UPRT: variants seen among roughly 807,000 people sequenced by gnomAD.
UPRT encodes the protein RP11-311P8.3.
A neutral mutation model predicts 22.6 loss-of-function variants in UPRT; 5 were observed. That is an observed-to-expected ratio of 0.22 (90% CI 0.12 to 0.47). The LOEUF is 0.47. Among genes scored for constraint, UPRT ranks in the 20% least tolerant of loss-of-function variants. The probability of loss-of-function intolerance (pLI) is 0.99; values close to 1 mark genes in which losing one functional copy is unlikely to be tolerated. For synonymous variants in UPRT, 77 were observed against 87.7 expected (o/e 0.88, Z 0.68); for missense variants, 181 against 239.9 (o/e 0.75, Z 1.62).
At chrX:75,161,375 AGTT>A (rs753136841) in intron 2 of UPRT, among the ~76,000 whole-genome samples, 1 of 112,858 alleles carries the variant, frequency 8.9e-6, no homozygotes, top group South Asian at 3.6e-4. Flanking sequence ...TTTTAATAAT[AGTT>A]GTTTGTATAA....
In UPRT at chrX:75,274,211, T is replaced by A; in HGVS notation, c.-44T>A. On this transcript the variant is annotated 5_prime_UTR_variant, in exon 1 of 7. Coordinates refer to ENST00000373383, the MANE Select transcript of UPRT (RefSeq NM_145052.4). ...TGTCCTTTCTACCCGTTCCTCTTTA[T>A]CTTTAGTGTTCAGTAGCAGCGGGGA... 5 of 1,161,366 alleles carry A rather than the reference T, an allele frequency of 4.3e-6. No homozygotes were observed. Among genetic ancestry groups the A allele is most frequent in the Non-Finnish European group, 5.8e-6 (5 of 869,497 alleles).
chrX:75,245,954 A>G (rs2082504291), intron 4 of UPRT, among the ~76,000 whole-genome samples: 1 of 111,984 alleles, frequency 8.9e-6, no homozygotes, highest in African/African-American at 3.2e-5. Flanking sequence ...ATAGTTAAAA[A>G]CAAATAAATA....
chrX:75,274,832 G>A lies in UPRT; in HGVS notation c.386+192G>A, dbSNP rs918459824. 4.1e-5 allele frequency: 18 copies of A among 435,879 alleles called. No individual in the cohort carries two copies. The South Asian group carries it at 1.0e-3, about 24-fold the overall frequency. The allele number at this position is 435,879 out of a possible 1,213,427, so 35.9% of individuals were successfully genotyped here. The stretch of plus-strand genomic sequence containing the variant: ...TGTGTGTGTGTCGTGTAACTCGAAC[G>A]CCAACCTTCTCTTTCCAAGTTCCGG... On this transcript the variant is annotated intron_variant, in intron 1 of 6. Coordinates refer to ENST00000373383, the MANE Select transcript of UPRT (RefSeq NM_145052.4).
chrX:75,233,161 C>T (rs1040851967), intron 4 of UPRT, among the ~76,000 whole-genome samples: 9 of 110,754 alleles, frequency 8.1e-5, no homozygotes, highest in African/African-American at 1.3e-4. Flanking sequence ...GGAGCCGATG[C>T]GATCAACTGG....
At chrX:75,288,848 C>T (rs2082693376) in intron 1 of UPRT, among the ~76,000 whole-genome samples, 2 of 111,311 alleles carry the variant, frequency 1.8e-5, no homozygotes, top group African/African-American at 6.5e-5. Flanking sequence ...AGCTATCAGG[C>T]AAGAGAAATA....
At chrX:75,271,088 T>C (rs1013025439), upstream of UPRT, among the ~76,000 whole-genome samples, 1 of 110,542 alleles carries the variant, frequency 9.0e-6, no homozygotes, top group Non-Finnish European at 1.9e-5. Context: ...AGGATCATAA[T>C]GCCAAAAGCA....
At chrX:75,187,421 G>A (rs2082297057) in intron 4 of UPRT, among the ~76,000 whole-genome samples, 1 of 111,215 alleles carries the variant, frequency 9.0e-6, no homozygotes, top group South Asian at 3.8e-4. Flanking sequence ...TCCCTTTGAG[G>A]GTAACCCGAC....
At chrX:75,276,254 A>G (rs1041835860) in intron 1 of UPRT, among the ~76,000 whole-genome samples, 4 of 111,314 alleles carry the variant, frequency 3.6e-5, no homozygotes, top group African/African-American at 9.8e-5. Context: ...TTTTTCGTAT[A>G]TTGTTATTTT....
At chrX:75,195,883 A>G (rs2082331275) in intron 4 of UPRT, among the ~76,000 whole-genome samples, 1 of 112,108 alleles carries the variant, frequency 8.9e-6, no homozygotes, top group Non-Finnish European at 1.9e-5. Context: ...GGCTATCTCT[A>G]TCAAGTTTTA....
At chrX:75,175,153 C>T (rs973693486) in intron 4 of UPRT, among the ~76,000 whole-genome samples, 3 of 111,091 alleles carry the variant, frequency 2.7e-5, no homozygotes, top group African/African-American at 6.6e-5. Flanking sequence ...TTTTGCATTG[C>T]GTGACTGTGC....
intron 4 of UPRT, among the ~76,000 whole-genome samples, chrX:75,261,427 A>G (rs1427162246): frequency 8.9e-6 from 1 of 112,274 alleles, no homozygotes; most frequent in Non-Finnish European, 1.9e-5. Context: ...GAAGAAATGG[A>G]TAAATTCCTG....
intron 4 of UPRT, among the ~76,000 whole-genome samples, chrX:75,188,938 C>T (rs930838168): frequency 8.9e-6 from 1 of 112,011 alleles, no homozygotes; most frequent in Non-Finnish European, 1.9e-5. Flanking sequence ...GTGAGATGAA[C>T]CCGGTACTTC....
intron 4 of UPRT, among the ~76,000 whole-genome samples, chrX:75,246,308 T>A (rs759429432): frequency 2.1e-5 from 2 of 93,523 alleles, no homozygotes; most frequent in South Asian, 6.1e-4. Flanking sequence ...CCTGTGTCCA[T>A]GTGTTCTCAT....
intron 4 of UPRT, among the ~76,000 whole-genome samples, chrX:75,265,414 C>T (rs2082584822): frequency 9.0e-6 from 1 of 111,717 alleles, no homozygotes; most frequent in Admixed American, 9.6e-5. Context: ...TCTCTTCTCA[C>T]TTCATTTCAT....
intron 4 of UPRT, among the ~76,000 whole-genome samples, chrX:75,205,381 C>A: frequency 2.5e-5 from 1 of 39,472 alleles, no homozygotes; most frequent in African/African-American, 1.1e-4. Context: ...GAGACTCCGT[C>A]TCAAAAAAAA....
intron 4 of UPRT, among the ~76,000 whole-genome samples, chrX:75,189,137 C>G (rs972030508): frequency 1.8e-5 from 2 of 112,335 alleles, no homozygotes; most frequent in African/African-American, 6.5e-5. Context: ...AAATTTCCCT[C>G]TACACATTGC....
chrX:75,263,548 G>A (rs1190762705), intron 4 of UPRT, among the ~76,000 whole-genome samples: 2 of 111,697 alleles, frequency 1.8e-5, no homozygotes, highest in Admixed American at 9.5e-5. Flanking sequence ...CTGTATTTCT[G>A]TGGGATCGGT....
upstream of UPRT, among the ~76,000 whole-genome samples, chrX:75,273,546 A>C (rs770486433): frequency 1.8e-5 from 2 of 111,181 alleles, no homozygotes; most frequent in African/African-American, 6.5e-5. Context: ...AAGATTCAAA[A>C]TGATAGTGGA....
intron 4 of UPRT, among the ~76,000 whole-genome samples, chrX:75,235,272 C>A (rs2082457415): frequency 9.0e-6 from 1 of 111,605 alleles, no homozygotes; most frequent in Admixed American, 9.5e-5. Context: ...CAATAACAGG[C>A]TCTGACATTG....
Sources: allele counts gnomAD v4.1 joint callset (sites outside exome capture counted in the v4.1 genomes callset), GRCh38; gene constraint gnomAD v4.1.1; transcripts MANE v1.5; gene names NCBI Gene and HGNC (gene_info 2026-07-23, HGNC 2026-07-21).